The following PTPRG variants were observed in gnomAD, a reference collection of about 807,000 sequenced individuals.
The protein encoded by PTPRG is protein tyrosine phosphatase receptor type G.
In PTPRG, 102 loss-of-function variants were observed where a neutral mutation model predicts 165.3. The ratio of observed to expected loss-of-function variants is 0.62; its 90% CI spans 0.53 to 0.73. The LOEUF (loss-of-function observed/expected upper bound fraction) is 0.73, where lower values mean the gene tolerates loss of function less well. Ranked by LOEUF, PTPRG falls within the 30% of genes least tolerant of loss-of-function variation. PTPRG has a pLI of 0.00. For synonymous variants in PTPRG, 675 were observed against 669.5 expected (o/e 1.01, Z -0.13); for missense variants, 1,866 against 1,861.4 (o/e 1.00, Z -0.05).
At chr3:61,606,469 T>C (rs116733753) in intron 1 of PTPRG, among the ~76,000 whole-genome samples, 278 of 152,340 alleles carry the variant, frequency 1.8e-3, no homozygotes, top group African/African-American at 6.3e-3. Flanking sequence ...GCCATTGATA[T>C]ACATCTGCAA....
intron 5 of PTPRG, among the ~76,000 whole-genome samples, chr3:62,119,787 A>ATTTTTTT (rs34842750): frequency 2.2e-4 from 25 of 111,714 alleles, no homozygotes; most frequent in Non-Finnish European, 3.4e-4. Flanking sequence ...CGCCTGGCTA[A>ATTTTTTT]TTTTTTTTTT....
chr3:62,138,730 A>AG (rs1295674230), intron 6 of PTPRG, among the ~76,000 whole-genome samples: 3 of 151,434 alleles, frequency 2.0e-5, no homozygotes, highest in Non-Finnish European at 2.9e-5. Context: ...AAAAAAAAAA[A>AG]AAAAAAGAAA....
At position 62,157,184 on chromosome 3, in the gene PTPRG, G is replaced by GA; in HGVS notation, c.800_801insA (p.Trp267Ter). The GA allele has an allele frequency of 6.2e-7, 1 of 1,613,958 alleles. No individual in the cohort carries two copies. Among genetic ancestry groups the GA allele is most frequent in the Non-Finnish European group, 8.5e-7 (1 of 1,179,868 alleles). ...CCACCGTGTAGCGAAATAGTGGAGT[G>GA]GATAGTCTTCCGGAGACCCGTCCCC... ...TTPPCSEIVE[W>*]IVFRRPVPIS... The change falls in exon 7 of 30, where the codon TGG (tryptophan) becomes TGAG (stop). Residue 267 changes from tryptophan to a stop codon, truncating the protein, a stop_gained and frameshift_variant. Coordinates refer to ENST00000474889, the MANE Select transcript of PTPRG (RefSeq NM_002841.4). LOFTEE classifies it high-confidence loss of function.
At chr3:61,860,497 C>T (rs943317760) in intron 2 of PTPRG, among the ~76,000 whole-genome samples, 1 of 130,882 alleles carries the variant, frequency 7.6e-6, no homozygotes. Context: ...CTGGAGTGCA[C>T]TGGCACAATC....
At chr3:61,779,376 T>A (rs1165609240) in intron 2 of PTPRG, among the ~76,000 whole-genome samples, 4 of 152,212 alleles carry the variant, frequency 2.6e-5, no homozygotes, top group Non-Finnish European at 5.9e-5. Flanking sequence ...AGTAATTGGC[T>A]GGAAGAGTGT....
At position 62,271,362 on chromosome 3, in the gene PTPRG, CT is replaced by C. The variant is rs140623731; in HGVS notation, c.3010-15del. The stretch of plus-strand genomic sequence containing the variant: ...TGTCCACCCCCCCGCTTAAAGACAT[CT>C]TTTTTCACTTTTCTCACAGGGTCAG... On this transcript the variant is annotated intron_variant, in intron 20 of 29. Transcript: ENST00000474889. The surrounding 1 kb of genome is among the most constrained non-coding windows in gnomAD (Gnocchi z 4.1). 1 of 1,574,888 alleles carries C rather than the reference CT, an allele frequency of 6.3e-7. No individual in the cohort carries two copies. Among genetic ancestry groups the C allele is most frequent in the Admixed American group, 1.8e-5 (1 of 54,640 alleles).
At chr3:62,182,641 A>T (rs1375041477) in intron 8 of PTPRG, among the ~76,000 whole-genome samples, 1 of 152,006 alleles carries the variant, frequency 6.6e-6, no homozygotes, top group Non-Finnish European at 1.5e-5. Context: ...CCGAATAAAT[A>T]GTTAACAGTA....
intron 1 of PTPRG, among the ~76,000 whole-genome samples, chr3:61,575,938 G>A (rs965284380): frequency 6.6e-6 from 1 of 152,094 alleles, no homozygotes; most frequent in African/African-American, 2.4e-5. Flanking sequence ...TTTTATAAAT[G>A]GTACCTGTTT....
At chr3:62,096,351 C>G (rs929626416) in intron 5 of PTPRG, among the ~76,000 whole-genome samples, 2 of 152,106 alleles carry the variant, frequency 1.3e-5, no homozygotes, top group African/African-American at 4.8e-5. Context: ...TATAGAAACA[C>G]TGTTATTGTT....
chr3:62,272,950 G>T lies in PTPRG; in HGVS notation c.3187G>T (p.Gly1063Cys). ...TGPVLVHCSA[G>C]VGRTGTYIVI... Reference sequence around the variant, plus strand: ...GAGTGTCTTCATTTCTTACAGTGCTGGTGTGGGCAGAACAGGCACCTATAT... The same window carrying T: ...GAGTGTCTTCATTTCTTACAGTGCTTGTGTGGGCAGAACAGGCACCTATAT... The change falls in exon 22 of 30, where the codon GGT becomes TGT. Residue 1063 changes from glycine (G) to cysteine (C), a missense_variant. By Grantham distance (159) the Gly-to-Cys change is radical (BLOSUM62 -3). This residue lies in a region of PTPRG where 1,452 missense variants were observed against 1,463.0 expected (regional missense o/e 0.99). Transcript: ENST00000474889. 6.2e-7 allele frequency: 1 copy of T among 1,608,498 alleles called. No individual in the cohort carries two copies. The highest frequency in any genetic ancestry group is 8.5e-7 in the Non-Finnish European group (1 of 1,177,720).
chr3:61,644,033 A>G (rs112723613), intron 1 of PTPRG, among the ~76,000 whole-genome samples: 133 of 152,258 alleles, frequency 8.7e-4, no homozygotes, highest in African/African-American at 3.1e-3. Context: ...GACGATCACA[A>G]TCACATTTAA....
intron 5 of PTPRG, among the ~76,000 whole-genome samples, chr3:62,094,381 A>C (rs1014318157): frequency 6.6e-6 from 1 of 152,164 alleles, no homozygotes; most frequent in Non-Finnish European, 1.5e-5. Context: ...ACTTTGAGGA[A>C]AAGTCTTTTT....
chr3:62,033,914 C>T (rs1450962977), intron 4 of PTPRG, among the ~76,000 whole-genome samples: 4 of 152,080 alleles, frequency 2.6e-5, no homozygotes, highest in Non-Finnish European at 5.9e-5. Context: ...ACTACAGGCG[C>T]CCGCTAATGC....
Position 62,157,155 on chromosome 3 carries a change from C to G in PTPRG, c.771C>G (p.Thr257=), listed in dbSNP as rs771507978. The change falls in exon 7 of 30, where the codon ACC becomes ACG. Residue 257 remains threonine, a synonymous_variant. Coordinates refer to ENST00000474889, the MANE Select transcript of PTPRG (RefSeq NM_002841.4). ...ATTATCGGTACACAGGTTCCTTGAC[C>G]ACACCACCGTGTAGCGAAATAGTGG... ...GSYYRYTGSL[T]TPPCSEIVEW... is the part of the protein sequence containing the mutation. 1 of 1,613,982 alleles carries G rather than the reference C, an allele frequency of 6.2e-7. No homozygotes were observed. The highest frequency in any genetic ancestry group is 8.5e-7 in the Non-Finnish European group (1 of 1,179,880).
At chr3:62,136,781 C>T (rs1161758961) in intron 6 of PTPRG, among the ~76,000 whole-genome samples, 1 of 152,194 alleles carries the variant, frequency 6.6e-6, no homozygotes, top group African/African-American at 2.4e-5. Flanking sequence ...TGCCTTTCAC[C>T]TTCCACCATG....
intron 1 of PTPRG, among the ~76,000 whole-genome samples, chr3:61,719,973 T>A (rs1338769431): frequency 2.6e-5 from 4 of 152,250 alleles, no homozygotes; most frequent in Admixed American, 2.0e-4. Flanking sequence ...TTGCTCACTT[T>A]ACAGTGCAGT....
intron 5 of PTPRG, among the ~76,000 whole-genome samples, chr3:62,122,186 C>A (rs753659735): frequency 1.3e-5 from 2 of 152,142 alleles, no homozygotes; most frequent in Non-Finnish European, 2.9e-5. Context: ...TCAAATGCTC[C>A]GACAGCTTTA....
In PTPRG at chr3:61,821,176, C is replaced by CT. The variant is rs71629144; in HGVS notation, c.190+72205dup. Among the ~76,000 whole-genome samples, 1,207 of 147,250 alleles carry CT rather than the reference C, an allele frequency of 8.2e-3. 14 individuals are homozygous for CT. Among genetic ancestry groups the CT allele is most frequent in the African/African-American group, 0.027 (1,085 of 40,106 alleles). On this transcript the variant is annotated intron_variant, in intron 2 of 29. Transcript: ENST00000474889. The stretch of plus-strand genomic sequence containing the variant: ...CTCATTTGTCTGCTCTTCTTGTTTT[C>CT]TTTTTTTTTTTGAGACCGAGTCTGG...
Position 61,562,053 on chromosome 3 carries a change from G to T in PTPRG, c.-235G>T. The T allele has an allele frequency of 1.9e-6, 1 of 533,932 alleles. No individual in the cohort carries two copies. Among genetic ancestry groups the T allele is most frequent in the Non-Finnish European group, 3.3e-6 (1 of 299,264 alleles). The allele number at this position is 533,932 out of a possible 1,614,324, so 33.1% of individuals were successfully genotyped here. A position where few individuals can be genotyped will look rare whatever the true frequency, so the allele number is the denominator to read the frequency against. On this transcript the variant is annotated 5_prime_UTR_variant, in exon 1 of 30. Coordinates refer to ENST00000474889, the MANE Select transcript of PTPRG (RefSeq NM_002841.4). ...TTTAAACGGAAAGCAGCCTTTCTCC[G>T]CCGAGAGGATCGTCCCCAGCGTGGC...
Sources: gnomAD v4.1 joint callset for allele counts (sites outside exome capture counted in the v4.1 genomes callset) on GRCh38, gnomAD v4.1.1 for gene constraint, gnomAD v4.1.1 regional missense constraint, Gnocchi (gnomAD v3.1) non-coding constraint, MANE v1.5 for transcripts, NCBI Gene and HGNC (gene_info 2026-07-23, HGNC 2026-07-21) for gene names.